The following HELLS variants were observed in gnomAD, a reference collection of about 807,000 sequenced individuals.
The protein encoded by HELLS is lymphoid-specific helicase.
In HELLS, 32 loss-of-function variants were observed where a neutral mutation model predicts 120.0. The observed-to-expected ratio is 0.27, with a 90% CI of 0.20 to 0.36. The LOEUF is 0.36. Ranked by LOEUF, HELLS falls within the 10% of genes least tolerant of loss-of-function variation. The probability of loss-of-function intolerance (pLI) is 1.00; values close to 1 mark genes in which losing one functional copy is unlikely to be tolerated. For missense variants in HELLS, 650 were observed against 993.4 expected (o/e 0.65, Z 4.65); for synonymous variants, 341 against 323.4 (o/e 1.05, Z -0.58).
intron 19 of HELLS, 141 bp downstream of exon 19, chr10:94,594,995 C>T: frequency 1.7e-6 from 1 of 603,896 alleles, no homozygotes; most frequent in Non-Finnish European, 2.8e-6. Context: ...TTTGGGATGC[C>T]AAGGTGAGTG....
At chr10:94,564,681 G>A (rs112676682) in intron 6 of HELLS, among the ~76,000 whole-genome samples, 28 of 151,654 alleles carry the variant, frequency 1.8e-4, no homozygotes, top group Non-Finnish European at 3.4e-4. Flanking sequence ...GCGCGATCTC[G>A]GCTCACTGCT....
chr10:94,549,059 T>G (rs1230302402), intron 2 of HELLS, among the ~76,000 whole-genome samples: 1 of 151,934 alleles, frequency 6.6e-6, no homozygotes, highest in Admixed American at 6.6e-5. Context: ...AACATTAGTG[T>G]TGTGGTTTCG....
chr10:94,583,131 G>C (rs1414543724), intron 12 of HELLS, 72 bp downstream of exon 12: 2 of 720,760 alleles, frequency 2.8e-6, no homozygotes, highest in Non-Finnish European at 4.5e-6. Flanking sequence ...GAGATCACCT[G>C]TCTAACCCTT....
At chr10:94,550,301 C>T (rs535279997) in intron 2 of HELLS, among the ~76,000 whole-genome samples, 47 of 151,502 alleles carry the variant, frequency 3.1e-4, no homozygotes, top group African/African-American at 9.0e-4. Flanking sequence ...TGTTTTGAGA[C>T]GGAGTCTCCC....
chr10:94,574,526 T>G, intron 8 of HELLS, 28 bp from the exon 9 acceptor site: 3 of 1,538,388 alleles, frequency 2.0e-6, no homozygotes, highest in Non-Finnish European at 2.7e-6. Context: ...TATCCAAGTT[T>G]AAATACAGTA....
rs2134019017 is a variant in HELLS at position 94,562,675 on chromosome 10, A to T, written c.334-16A>T. 6.5e-7 allele frequency: 1 copy of T among 1,550,274 alleles called. No individual in the cohort carries two copies. The highest frequency in any genetic ancestry group is 1.7e-4 in the Middle Eastern group (1 of 5,812). On this transcript the variant is annotated splice_polypyrimidine_tract_variant and intron_variant, in intron 4 of 21. Coordinates refer to ENST00000348459, the MANE Select transcript of HELLS (RefSeq NM_018063.5). ...GGTCCTTAATAAAATCAATATTCTG[A>T]ATCCTTGTTTTGTAGGGTAAAAATT...
At chr10:94,593,650 A>T (rs954376241) in intron 18 of HELLS, 35 bp downstream of exon 18, 4 of 1,261,238 alleles carry the variant, frequency 3.2e-6, no homozygotes, top group Non-Finnish European at 1.1e-6. Context: ...TATGCTGATT[A>T]TATTTCCATT....
intron 21 of HELLS, among the ~76,000 whole-genome samples, chr10:94,601,021 A>G (rs949016600): frequency 6.6e-6 from 1 of 152,186 alleles, no homozygotes; most frequent in African/African-American, 2.4e-5. Flanking sequence ...GACAAGGATG[A>G]TTAGAAATCA....
At position 94,563,551 on chromosome 10, in the gene HELLS, A is replaced by G. The variant is rs145134090; in HGVS notation, c.435+675A>G. ...ACTCAAGCTGGAGTGCAGTGGCACA[A>G]TCATGGCTCACTGCAGCCTCGACCT... On this transcript the variant is annotated intron_variant, in intron 6 of 21. Transcript: ENST00000348459. Among the ~76,000 whole-genome samples the G allele has an allele frequency of 5.9e-5, 9 of 152,080 alleles. No homozygotes were observed. The South Asian group carries it at 1.5e-3, about 25-fold the overall frequency.
chr10:94,613,387 AT>A (rs757196082), exon 10 of HELLS: 21 of 152,090 alleles, frequency 1.4e-4, no homozygotes, highest in Non-Finnish European at 2.6e-4. Flanking sequence ...GTTTTGTTAA[AT>A]CTCTGACATG....
At chr10:94,595,119 T>C (rs1286717067) in intron 19 of HELLS, among the ~76,000 whole-genome samples, 1 of 151,876 alleles carries the variant, frequency 6.6e-6, no homozygotes. Flanking sequence ...TCCCAGCTAC[T>C]CAGGAAGCTG....
Position 94,592,505 on chromosome 10 carries a change from A to G in HELLS, c.1962A>G (p.Arg654=). The G allele has an allele frequency of 6.8e-7, 1 of 1,462,700 alleles. No individual in the cohort carries two copies. The highest frequency in any genetic ancestry group is 9.0e-7 in the Non-Finnish European group (1 of 1,107,160). The allele number at this position is 1,462,700 out of a possible 1,614,324, so 90.6% of individuals were successfully genotyped here. A position where few individuals can be genotyped will look rare whatever the true frequency, so the allele number is the denominator to read the frequency against. ...RLDGSMSYSE[R]EKNMHSFNTD... is the part of the protein sequence containing the mutation. ...ATGGGTCCATGTCTTACTCAGAGAG[A>G]GAAAAAAACGTAAGACTACTTATGT... Residue 654 remains arginine (R), a synonymous_variant, in exon 17 of 22, where the codon AGA becomes AGG. Coordinates refer to ENST00000348459, the MANE Select transcript of HELLS (RefSeq NM_018063.5).
At chr10:94,583,642 C>T (rs188410707) in intron 12 of HELLS, among the ~76,000 whole-genome samples, 1 of 152,172 alleles carries the variant, frequency 6.6e-6, no homozygotes. Context: ...ATTGTATTTC[C>T]TAGCAGTGCA....
intron 12 of HELLS, among the ~76,000 whole-genome samples, chr10:94,584,844 A>T (rs1272207259): frequency 6.6e-6 from 1 of 152,132 alleles, no homozygotes; most frequent in African/African-American, 2.4e-5. Context: ...AGTTTTATCA[A>T]AAATAGGGGC....
chr10:94,609,242 C>T (rs185614497), intron 9 of HELLS, among the ~76,000 whole-genome samples: 1 of 152,064 alleles, frequency 6.6e-6, no homozygotes, highest in Non-Finnish European at 1.5e-5. Context: ...AGGCTAGTCT[C>T]GAACTCCTGA....
At position 94,545,838 on chromosome 10, in the gene HELLS, G is replaced by T. The variant is rs1252547380; in HGVS notation, c.-84G>T. ...GGCGGGGGATTTGGCTAGAAGGCTG[G>T]GCCGGCAGCGGTTGTGAGGAGTTAG... On this transcript the variant is annotated 5_prime_UTR_variant, in exon 1 of 22. Transcript: ENST00000348459. The T allele has an allele frequency of 2.1e-6, 3 of 1,451,030 alleles. No individual in the cohort carries two copies. The highest frequency in any genetic ancestry group is 2.8e-6 in the Non-Finnish European group (3 of 1,055,032). The allele number at this position is 1,451,030 out of a possible 1,614,324, so 89.9% of individuals were successfully genotyped here.
exon 10 of HELLS, chr10:94,611,439 AATT>A (rs1846193123): frequency 6.6e-6 from 1 of 152,156 alleles, no homozygotes; most frequent in Admixed American, 6.5e-5. Context: ...AATTAATAAT[AATT>A]AATAATTAGT....
At chr10:94,548,691 A>G (rs1842847584) in intron 2 of HELLS, among the ~76,000 whole-genome samples, 1 of 152,144 alleles carries the variant, frequency 6.6e-6, no homozygotes, top group Non-Finnish European at 1.5e-5. Context: ...TTCCATTAAA[A>G]AAGTATATGG....
chr10:94,564,041 C>G (rs1460931367), intron 6 of HELLS, among the ~76,000 whole-genome samples: 1 of 152,096 alleles, frequency 6.6e-6, no homozygotes, highest in Non-Finnish European at 1.5e-5. Flanking sequence ...AACTCCTGAC[C>G]TCAGGGGATC....
Sources: gnomAD v4.1 joint callset for allele counts (sites outside exome capture counted in the v4.1 genomes callset) on GRCh38, gnomAD v4.1.1 for gene constraint, MANE v1.5 for transcripts, NCBI Gene and HGNC (gene_info 2026-07-23, HGNC 2026-07-21) for gene names.